The following MSI2 variants were observed in gnomAD, a reference collection of about 807,000 sequenced individuals.
The protein encoded by MSI2 is musashi RNA binding protein 2, also known as RNA-binding protein Musashi homolog 2.
Under a neutral mutation model 45.6 loss-of-function variants are expected in MSI2, and 17 were observed. The ratio of observed to expected loss-of-function variants is 0.37; its 90% confidence interval spans 0.26 to 0.56. MSI2 has a LOEUF of 0.56. Among genes scored for constraint, MSI2 ranks in the 20% least tolerant of loss-of-function variants. MSI2 has a pLI of 0.77. For synonymous variants in MSI2, 156 were observed against 158.2 expected (o/e 0.99, Z 0.11); for missense variants, 293 against 444.2 (o/e 0.66, Z 3.06).
intron 10 of MSI2, among the ~76,000 whole-genome samples, chr17:57,638,865 G>T (rs575980324): frequency 6.6e-6 from 1 of 152,298 alleles, no homozygotes; most frequent in East Asian, 1.9e-4. Context: ...TTGTGCCACT[G>T]CATTCCAGCC....
At chr17:57,690,945 A>C in the MSI2 span, among the ~76,000 whole-genome samples, 2 of 152,170 alleles carry the variant, frequency 1.3e-5, no homozygotes, top group African/African-American at 2.4e-5. Flanking sequence ...CACAGACCTA[A>C]GTCTGTGGTC....
chr17:57,360,916 A>T (rs529174307), intron 5 of MSI2, among the ~76,000 whole-genome samples: 27 of 152,318 alleles, frequency 1.8e-4, no homozygotes, highest in Admixed American at 1.7e-3. Context: ...TAAGGTGAAG[A>T]TGCAGATTTC....
At chr17:57,612,962 G>A (rs980428363) in intron 8 of MSI2, among the ~76,000 whole-genome samples, 1 of 152,172 alleles carries the variant, frequency 6.6e-6, no homozygotes, top group Non-Finnish European at 1.5e-5. Flanking sequence ...ATGCAAATGA[G>A]ATTTCTCAGC....
chr17:57,495,547 A>AAAAAAG (rs1567858394), intron 6 of MSI2, among the ~76,000 whole-genome samples: 1 of 149,588 alleles, frequency 6.7e-6, no homozygotes, highest in African/African-American at 2.5e-5. Flanking sequence ...AAAAAAAAAA[A>AAAAAAG]AAAAAGAAAG....
intron 5 of MSI2, among the ~76,000 whole-genome samples, chr17:57,323,274 G>T (rs754710026): frequency 3.5e-4 from 54 of 152,164 alleles, no homozygotes; most frequent in Non-Finnish European, 6.0e-4. Context: ...CTCATATCCT[G>T]CAGGAAAGTG....
chr17:57,664,821 A>G (rs532892861), intron 11 of MSI2, among the ~76,000 whole-genome samples: 2 of 152,152 alleles, frequency 1.3e-5, no homozygotes, highest in Non-Finnish European at 2.9e-5. Flanking sequence ...CAACCCAGAG[A>G]TTGTGGCCAG....
chr17:57,366,705 G>T (rs929684504), intron 5 of MSI2, among the ~76,000 whole-genome samples: 4 of 152,200 alleles, frequency 2.6e-5, no homozygotes, highest in Non-Finnish European at 4.4e-5. Context: ...TTATTTGTTT[G>T]TTTATTTCTA....
At position 57,510,548 on chromosome 17, in the gene MSI2, C is replaced by T. The variant is rs530067102; in HGVS notation, c.406-19128C>T. On this transcript the variant is annotated intron_variant, in intron 6 of 13. Coordinates refer to ENST00000284073, the MANE Select transcript of MSI2 (RefSeq NM_138962.4). ...GTTCAAGTGATTCTCCTGCCTCAGC[C>T]TCCCAAGTAGCTGGGATTACAGGTG... Among the ~76,000 whole-genome samples, 10 of 152,168 alleles carry T rather than the reference C, an allele frequency of 6.6e-5. No homozygotes were observed. The South Asian group carries it at 2.1e-3, about 32-fold the overall frequency.
intron 5 of MSI2, among the ~76,000 whole-genome samples, chr17:57,326,173 A>G (rs1913775618): frequency 6.6e-6 from 1 of 151,886 alleles, no homozygotes; most frequent in Non-Finnish European, 1.5e-5. Context: ...CTTAGCTACA[A>G]TTCTCATATC....
At chr17:57,600,540 A>G (rs1905749860) in intron 8 of MSI2, among the ~76,000 whole-genome samples, 1 of 152,230 alleles carries the variant, frequency 6.6e-6, no homozygotes, top group Non-Finnish European at 1.5e-5. Context: ...GCCATTGCCC[A>G]TCTAATTGGG....
rs1233041570 is a variant in MSI2, at chr17:57,396,412, A to AT, written c.313-4967_313-4966insT. 1.2e-3 allele frequency among the ~76,000 whole-genome samples: 56 copies of AT among 45,852 alleles called. 1 individual carries two copies. The highest frequency in any genetic ancestry group is 3.4e-3 in the African/African-American group (51 of 15,012). The allele number at this position is 45,852 out of a possible 152,430, so 30.1% of individuals were successfully genotyped here. ...CACACAAAACACACACAGCACACAC[A>AT]CCACACACACACACACACACACATC... On this transcript the variant is annotated intron_variant, in intron 5 of 13. Coordinates refer to ENST00000284073, the MANE Select transcript of MSI2 (RefSeq NM_138962.4).
chr17:57,644,360 A>G (rs1348552965), intron 10 of MSI2, among the ~76,000 whole-genome samples: 1 of 150,948 alleles, frequency 6.6e-6, no homozygotes, highest in Non-Finnish European at 1.5e-5. Context: ...TGGTCCTCCC[A>G]CTCCAAACAT....
At chr17:57,528,360 A>T (rs1203768394) in intron 6 of MSI2, among the ~76,000 whole-genome samples, 1 of 152,024 alleles carries the variant, frequency 6.6e-6, no homozygotes, top group Non-Finnish European at 1.5e-5. Flanking sequence ...GTGGGAGTTG[A>T]GTGTGGACCC....
intron 10 of MSI2, among the ~76,000 whole-genome samples, chr17:57,636,980 CT>C (rs1909885886): frequency 6.6e-6 from 1 of 152,228 alleles, no homozygotes; most frequent in Non-Finnish European, 1.5e-5. Flanking sequence ...GAAATGCTCC[CT>C]GTCAAGAAAA....
intron 6 of MSI2, chr17:57,450,247 C>T (rs996466469): frequency 4.1e-5 from 4 of 97,988 alleles, no homozygotes; most frequent in Non-Finnish European, 7.3e-5. Context: ...AAATGGTATT[C>T]CCCAGCTTAA....
chr17:57,699,046 T>A, the MSI2 span, among the ~76,000 whole-genome samples: 14 of 27,278 alleles, frequency 5.1e-4, no homozygotes, highest in Middle Eastern at 0.019. Flanking sequence ...AGAGAGAGAG[T>A]GTGTGTGTGT....
chr17:57,432,041 A>T (rs2084605156), intron 6 of MSI2, among the ~76,000 whole-genome samples: 1 of 152,240 alleles, frequency 6.6e-6, no homozygotes, highest in Non-Finnish European at 1.5e-5. Context: ...CAACACGTTC[A>T]GCCTTTAATT....
intron 11 of MSI2, among the ~76,000 whole-genome samples, chr17:57,674,325 T>TAA (rs889049128): frequency 7.0e-6 from 1 of 142,302 alleles, no homozygotes. Flanking sequence ...TTGTCTTTTT[T>TAA]AAAAAAAAAA....
intron 5 of MSI2, among the ~76,000 whole-genome samples, chr17:57,303,316 G>A (rs149979643): frequency 6.6e-6 from 1 of 152,338 alleles, no homozygotes; most frequent in African/African-American, 2.4e-5. Context: ...CGAAAGAATG[G>A]AATTGCACAG....
Sources: gnomAD v4.1 joint callset for allele counts (sites outside exome capture counted in the v4.1 genomes callset) on GRCh38, gnomAD v4.1.1 for gene constraint, MANE v1.5 for transcripts, NCBI Gene and HGNC (gene_info 2026-07-23, HGNC 2026-07-21) for gene names.